Variants in ZC3H12B observed in about 807,000 individuals in gnomAD.
The protein encoded by ZC3H12B is zinc finger CCCH-type containing 12B, also known as probable ribonuclease ZC3H12B.
A neutral mutation model predicts 43.9 loss-of-function variants in ZC3H12B; 7 were observed. The observed-to-expected ratio is 0.16, with a 90% CI of 0.09 to 0.30. The LOEUF (loss-of-function observed/expected upper bound fraction) is 0.30, where lower values mean the gene tolerates loss of function less well. Ranked by LOEUF, ZC3H12B falls within the 10% of genes least tolerant of loss-of-function variation. The probability of loss-of-function intolerance (pLI) is 1.00; values close to 1 mark genes in which losing one functional copy is unlikely to be tolerated. For missense variants in ZC3H12B, 475 were observed against 670.2 expected, an observed-to-expected ratio of 0.71 and a Z score of 3.22; for synonymous variants, 222 against 241.7, an observed-to-expected ratio of 0.92 and a Z score of 0.76.
At chrX:65,273,412 G>GA in the ZC3H12B span, among the ~76,000 whole-genome samples, 8,702 of 106,443 alleles carry the variant, frequency 0.082, 1,006 homozygotes, top group African/African-American at 0.29. Flanking sequence ...TGTCTGAATA[G>GA]AAAAAAAAAG....
the ZC3H12B span, among the ~76,000 whole-genome samples, chrX:65,222,175 G>T: frequency 2.7e-5 from 3 of 111,423 alleles, no homozygotes; most frequent in African/African-American, 9.8e-5. Flanking sequence ...ACCCTCAGCA[G>T]CAGCAGCATA....
chrX:65,440,884 G>A (rs185236869), intron 3 of ZC3H12B, among the ~76,000 whole-genome samples: 214 of 112,291 alleles, frequency 1.9e-3, no homozygotes, highest in African/African-American at 6.5e-3. Context: ...TTTCTCTAAA[G>A]CCTCCAGTTT....
intron 1 of ZC3H12B, among the ~76,000 whole-genome samples, chrX:65,490,819 G>A (rs1885149855): frequency 9.0e-6 from 1 of 111,086 alleles, no homozygotes; most frequent in African/African-American, 3.3e-5. Flanking sequence ...AGAACAAAGT[G>A]AAAAAGCCTT....
the ZC3H12B span, among the ~76,000 whole-genome samples, chrX:65,155,377 C>T: frequency 2.7e-5 from 3 of 111,262 alleles, no homozygotes; most frequent in Non-Finnish European, 5.6e-5. Flanking sequence ...ATGTGAAATA[C>T]ATTACCAGAT....
chrX:65,342,752 G>T, the ZC3H12B span, among the ~76,000 whole-genome samples: 1 of 102,489 alleles, frequency 9.8e-6, no homozygotes, highest in Non-Finnish European at 2.0e-5. Flanking sequence ...AGGAACTAGA[G>T]AACAAAGAGC....
chrX:65,367,965 GAAT>G (rs1485959978), intron 1 of ZC3H12B, among the ~76,000 whole-genome samples: 1 of 111,281 alleles, frequency 9.0e-6, no homozygotes, highest in Non-Finnish European at 1.9e-5. Flanking sequence ...GTAGTGGGAA[GAAT>G]AATAAGACCC....
the ZC3H12B span, among the ~76,000 whole-genome samples, chrX:65,127,309 G>A: frequency 8.9e-6 from 1 of 111,914 alleles, no homozygotes; most frequent in South Asian, 3.7e-4. Context: ...CCAGACTCCA[G>A]GCTAGCACTG....
the ZC3H12B span, among the ~76,000 whole-genome samples, chrX:65,196,280 A>T: frequency 9.1e-6 from 1 of 110,112 alleles, no homozygotes; most frequent in Non-Finnish European, 1.9e-5. Context: ...CCTCATGAGG[A>T]AAGCTATGAA....
At chrX:65,057,388 C>T in the ZC3H12B span, among the ~76,000 whole-genome samples, 1 of 111,734 alleles carries the variant, frequency 8.9e-6, no homozygotes, top group Non-Finnish European at 1.9e-5. Context: ...AAATTCTTTT[C>T]TTAAAAATGT....
the ZC3H12B span, among the ~76,000 whole-genome samples, chrX:65,329,073 A>G: frequency 9.0e-6 from 1 of 110,978 alleles, no homozygotes; most frequent in African/African-American, 3.3e-5. Flanking sequence ...CAGTAATGGG[A>G]TGGCTGGGTC....
the ZC3H12B span, among the ~76,000 whole-genome samples, chrX:65,225,403 G>A: frequency 8.9e-6 from 1 of 112,042 alleles, no homozygotes; most frequent in Admixed American, 9.5e-5. Flanking sequence ...ACCAACAGTA[G>A]ATAAAACCAC....
At chrX:65,382,251 A>T (rs1052839034) in intron 2 of ZC3H12B, among the ~76,000 whole-genome samples, 2 of 109,894 alleles carry the variant, frequency 1.8e-5, no homozygotes, top group African/African-American at 6.6e-5. Flanking sequence ...AAGCTTATCC[A>T]CCATGATCAA....
the ZC3H12B span, among the ~76,000 whole-genome samples, chrX:65,261,773 A>C: frequency 9.0e-6 from 1 of 111,382 alleles, no homozygotes. Context: ...AAAAAAAATT[A>C]TAATACATGT....
intron 3 of ZC3H12B, 147 bp downstream of exon 8, chrX:65,499,380 C>T (rs1449333862): frequency 2.2e-6 from 1 of 452,990 alleles, no homozygotes; most frequent in Admixed American, 4.1e-5. Context: ...AGGACTCACC[C>T]TTAAGAGACT....
chrX:65,059,075 C>A, the ZC3H12B span, among the ~76,000 whole-genome samples: 126 of 111,420 alleles, frequency 1.1e-3, no homozygotes, highest in African/African-American at 3.9e-3. Flanking sequence ...TGCACTGCAC[C>A]CACTGTCCTG....
intron 2 of ZC3H12B, among the ~76,000 whole-genome samples, chrX:65,392,579 C>T (rs1004505837): frequency 1.3e-4 from 14 of 111,286 alleles, no homozygotes; most frequent in African/African-American, 2.0e-4. Context: ...GCAGCCACCC[C>T]ATCTGGGAGG....
intron 3 of ZC3H12B, among the ~76,000 whole-genome samples, chrX:65,419,949 C>A (rs1026222440): frequency 2.7e-5 from 3 of 111,085 alleles, no homozygotes; most frequent in Non-Finnish European, 5.7e-5. Context: ...GACTTATACC[C>A]CTGCATACTA....
At chrX:65,483,355 C>T (rs1398391971) in intron 3 of ZC3H12B, among the ~76,000 whole-genome samples, 1 of 111,750 alleles carries the variant, frequency 8.9e-6, no homozygotes, top group African/African-American at 3.2e-5. Flanking sequence ...ATAATTCCTG[C>T]ATGTGATTTA....
chrX:65,122,283 C>G, the ZC3H12B span, among the ~76,000 whole-genome samples: 7 of 111,003 alleles, frequency 6.3e-5, no homozygotes, highest in African/African-American at 2.3e-4. Context: ...CCCAGCCAAA[C>G]TAAGCCTCAT....
Sources: gnomAD v4.1 joint callset for allele counts (sites outside exome capture counted in the v4.1 genomes callset) on GRCh38, gnomAD v4.1.1 for gene constraint, MANE v1.5 for transcripts, NCBI Gene and HGNC (gene_info 2026-07-23, HGNC 2026-07-21) for gene names.